Variants in DOCK4 observed in about 807,000 individuals in gnomAD.
The protein encoded by DOCK4 is dedicator of cytokinesis 4, also known as dedicator of cytokinesis protein 4.
DOCK4 carries 97 observed loss-of-function variants against 268.1 expected under a neutral mutation model. That is an observed-to-expected ratio of 0.36 (90% confidence interval 0.31 to 0.43). The LOEUF is 0.43. Ranked by LOEUF, DOCK4 falls within the 20% of genes least tolerant of loss-of-function variation. DOCK4 has a pLI of 1.00. For synonymous variants in DOCK4, 954 were observed against 887.2 expected, an observed-to-expected ratio of 1.08 and a Z score of -1.34; for missense variants, 2,145 against 2,455.7, an observed-to-expected ratio of 0.87 and a Z score of 2.67.
chr7:111,946,330 T>C (rs998842101), intron 8 of DOCK4, among the ~76,000 whole-genome samples: 3 of 152,154 alleles, frequency 2.0e-5, no homozygotes, highest in African/African-American at 7.2e-5. Flanking sequence ...GAACAGAAGA[T>C]CTCAAACTAC....
chr7:112,030,589 G>A (rs564844230), intron 1 of DOCK4, among the ~76,000 whole-genome samples: 43 of 152,266 alleles, frequency 2.8e-4, no homozygotes, highest in African/African-American at 8.2e-4. Flanking sequence ...TCTCATTTGG[G>A]CAATGAGAAA....
At chr7:112,194,487 T>C (rs1425442790) in intron 1 of DOCK4, among the ~76,000 whole-genome samples, 1 of 152,174 alleles carries the variant, frequency 6.6e-6, no homozygotes, top group Non-Finnish European at 1.5e-5. Context: ...TCACAGGCAG[T>C]CAAACTCATA....
intron 5 of DOCK4, among the ~76,000 whole-genome samples, chr7:111,993,210 A>C (rs1799673190): frequency 6.6e-6 from 1 of 152,242 alleles, no homozygotes. Flanking sequence ...TCATTCTGCC[A>C]GTGTCCCTCA....
chr7:112,065,756 A>G (rs73434637), intron 1 of DOCK4, among the ~76,000 whole-genome samples: 82 of 152,222 alleles, frequency 5.4e-4, no homozygotes, highest in African/African-American at 1.9e-3. Flanking sequence ...GTTCATTTCC[A>G]TGACACTTTT....
chr7:112,075,944 AT>A (rs1808031728), intron 1 of DOCK4, among the ~76,000 whole-genome samples: 3 of 152,164 alleles, frequency 2.0e-5, no homozygotes, highest in Admixed American at 2.0e-4. Flanking sequence ...TCCTTACACT[AT>A]CTGATATTTT....
At chr7:111,905,608 C>T (rs7792649) in intron 13 of DOCK4, among the ~76,000 whole-genome samples, 60,836 of 151,742 alleles carry the variant, frequency 0.4, 12,841 homozygotes, top group African/African-American at 0.54. Context: ...AAGGATACAG[C>T]GCATGATCAC....
chr7:111,864,040 A>C (rs1022795046), intron 22 of DOCK4, among the ~76,000 whole-genome samples: 1 of 152,196 alleles, frequency 6.6e-6, no homozygotes, highest in Non-Finnish European at 1.5e-5. Flanking sequence ...GCATCAGAAG[A>C]TCTAAGTTAC....
intron 1 of DOCK4, among the ~76,000 whole-genome samples, chr7:112,140,436 T>G (rs900350363): frequency 6.6e-6 from 1 of 152,078 alleles, no homozygotes; most frequent in Non-Finnish European, 1.5e-5. Context: ...GCTGAGCTGT[T>G]GGGTTTTGGG....
intron 36 of DOCK4, among the ~76,000 whole-genome samples, chr7:111,776,551 C>T (rs948407963): frequency 6.6e-6 from 1 of 152,140 alleles, no homozygotes; most frequent in East Asian, 1.9e-4. Flanking sequence ...TATGGTACAA[C>T]ACCAAAAGGC....
At chr7:112,128,381 G>A (rs1282778537) in intron 1 of DOCK4, among the ~76,000 whole-genome samples, 1 of 152,292 alleles carries the variant, frequency 6.6e-6, no homozygotes, top group East Asian at 1.9e-4. Flanking sequence ...GAAGTGAGGA[G>A]CCCCTCTGCC....
At position 111,736,921 on chromosome 7, in the gene DOCK4, T is replaced by C; in HGVS notation, c.5301A>G (p.Glu1767=). The change falls in exon 50 of 53, where the codon GAA becomes GAG. Residue 1767 remains glutamate (E), a synonymous_variant. Transcript: ENST00000428084. ...PRSDPNLSAP[E]KAVNPTPSSW... is the part of the protein sequence containing the mutation. ...TGACCATGGGGCTGGCCTTACCTTT[T>C]TCAGGTGCAGAGAGATTTGGGTCAC... The C allele has an allele frequency of 6.2e-7, 1 of 1,600,174 alleles. No homozygotes were observed. The highest frequency in any genetic ancestry group is 2.2e-5 in the East Asian group (1 of 44,612).
intron 30 of DOCK4, among the ~76,000 whole-genome samples, chr7:111,801,991 G>A (rs760245715): frequency 2.0e-5 from 3 of 151,572 alleles, no homozygotes; most frequent in African/African-American, 4.9e-5. Context: ...GTGAGCCACC[G>A]TGCCCAGCCA....
intron 1 of DOCK4, among the ~76,000 whole-genome samples, chr7:112,185,962 T>C (rs534150835): frequency 2.0e-5 from 3 of 152,248 alleles, no homozygotes; most frequent in Non-Finnish European, 2.9e-5. Flanking sequence ...GGCTGACGGC[T>C]GAAGCCCCTG....
At chr7:111,981,599 T>C (rs977188514) in intron 7 of DOCK4, among the ~76,000 whole-genome samples, 3 of 152,226 alleles carry the variant, frequency 2.0e-5, no homozygotes, top group Non-Finnish European at 2.9e-5. Flanking sequence ...TTCTGAAGCT[T>C]ATAACTATTT....
chr7:112,170,882 T>G (rs1818029582), intron 1 of DOCK4, among the ~76,000 whole-genome samples: 1 of 152,160 alleles, frequency 6.6e-6, no homozygotes, highest in African/African-American at 2.4e-5. Flanking sequence ...ATAAAAAAAA[T>G]TGCACTTTTA....
At chr7:112,186,023 T>C (rs2116741617) in intron 1 of DOCK4, among the ~76,000 whole-genome samples, 1 of 152,346 alleles carries the variant, frequency 6.6e-6, no homozygotes, top group African/African-American at 2.4e-5. Context: ...TACCTTCTGA[T>C]GAGTTCTGCA....
At chr7:111,762,757 G>GTTTTTT (rs1797499588) in intron 39 of DOCK4, among the ~76,000 whole-genome samples, 7 of 55,006 alleles carry the variant, frequency 1.3e-4, no homozygotes, top group African/African-American at 2.7e-4. Flanking sequence ...ATTTTGTTTT[G>GTTTTTT]TTTTCTTTTT....
In DOCK4 at chr7:112,079,930, T is replaced by C. The variant is rs191911018; in HGVS notation, c.38-75799A>G. On this transcript the variant is annotated intron_variant, in intron 1 of 52. Transcript: ENST00000428084. Reference sequence around the variant, plus strand: ...AGAAAAACAGATTTTGGCTGAATAATGGGTATAAATCTTACTTTCCTATTT... The same window carrying C: ...AGAAAAACAGATTTTGGCTGAATAACGGGTATAAATCTTACTTTCCTATTT... Among the ~76,000 whole-genome samples the C allele has an allele frequency of 2.7e-3, 404 of 152,262 alleles. 2 individuals are homozygous for C. The highest frequency in any genetic ancestry group is 9.4e-3 in the African/African-American group (389 of 41,566).
At chr7:111,859,398 T>C (rs574944609) in intron 23 of DOCK4, among the ~76,000 whole-genome samples, 1 of 152,262 alleles carries the variant, frequency 6.6e-6, no homozygotes, top group East Asian at 1.9e-4. Flanking sequence ...GTGATGCTAT[T>C]GTTTTATGTT....
Sources: allele counts gnomAD v4.1 joint callset (sites outside exome capture counted in the v4.1 genomes callset), GRCh38; gene constraint gnomAD v4.1.1; transcripts MANE v1.5; gene names NCBI Gene and HGNC (gene_info 2026-07-23, HGNC 2026-07-21).